Variants in DST observed in about 807,000 individuals in gnomAD.
DST encodes the protein dystonin, also known as bullous pemphigoid antigen.
In DST, 253 loss-of-function variants were observed where a neutral mutation model predicts 875.2. The ratio of observed to expected loss-of-function variants is 0.29; its 90% CI spans 0.26 to 0.32. The LOEUF (loss-of-function observed/expected upper bound fraction) is 0.32, where lower values mean the gene tolerates loss of function less well. Ranked by LOEUF, DST falls within the 10% of genes least tolerant of loss-of-function variation. The probability of loss-of-function intolerance (pLI) is 1.00; values close to 1 mark genes in which losing one functional copy is unlikely to be tolerated. For synonymous variants in DST, 3,124 were observed against 3,197.1 expected, an observed-to-expected ratio of 0.98 and a Z score of 0.77; for missense variants, 8,287 against 9,111.6, an observed-to-expected ratio of 0.91 and a Z score of 3.68.
intron 82 of DST, 27 bp downstream of exon 82, chr6:56,497,352 T>C (rs747834102): frequency 1.9e-6 from 3 of 1,606,108 alleles, no homozygotes; most frequent in South Asian, 2.2e-5. Flanking sequence ...ATTCTGAGGC[T>C]AAAGCTGTAG....
In DST at chr6:56,504,044, T is replaced by C; in HGVS notation, c.19519A>G (p.Ile6507Val). The change falls in exon 78 of 104, where the codon ATT becomes GTT. Residue 6507 changes from isoleucine to valine, a missense_variant. Ile to Val is a conservative substitution (Grantham distance 29). Coordinates refer to ENST00000680361, the MANE Select transcript of DST (RefSeq NM_001374736.1). ...AGGKLASMSP[I>V]GTDLETVKQQ... Reference sequence around the variant, plus strand: ...TTGACAGTTTCGAGATCTGTTCCAATTGGAGACATTGAAGCTAATTTACCA... The same window carrying C: ...TTGACAGTTTCGAGATCTGTTCCAACTGGAGACATTGAAGCTAATTTACCA... The C allele has an allele frequency of 1.2e-6, 2 of 1,609,530 alleles. No homozygotes were observed. The highest frequency in any genetic ancestry group is 1.7e-6 in the Non-Finnish European group (2 of 1,178,056).
intron 4 of DST, among the ~76,000 whole-genome samples, chr6:56,783,244 T>C (rs2099697963): frequency 6.6e-6 from 1 of 152,228 alleles, no homozygotes; most frequent in Non-Finnish European, 1.5e-5. Flanking sequence ...TTACGTCTGC[T>C]TGGTGCAGAG....
intron 9 of DST, among the ~76,000 whole-genome samples, chr6:56,687,927 T>C (rs1296735861): frequency 2.0e-5 from 3 of 152,172 alleles, no homozygotes; most frequent in South Asian, 2.1e-4. Flanking sequence ...AAAAAGCTGA[T>C]AAAGTCCAAG....
intron 72 of DST, among the ~76,000 whole-genome samples, chr6:56,513,232 CTTTT>C (rs5876513): frequency 7.0e-6 from 1 of 142,108 alleles, no homozygotes; most frequent in Admixed American, 7.0e-5. Context: ...TGAGAGGAGC[CTTTT>C]TTTTTTTTTT....
intron 3 of DST, among the ~76,000 whole-genome samples, chr6:56,861,196 T>C: frequency 1.3e-5 from 2 of 152,330 alleles, no homozygotes; most frequent in Middle Eastern, 6.8e-3. Context: ...AATTACTTTT[T>C]CATTAAAAAC....
chr6:56,632,145 A>G (rs115947332), intron 28 of DST, 105 bp from the exon 29 acceptor site: 4 of 772,086 alleles, frequency 5.2e-6, no homozygotes, highest in Non-Finnish European at 6.2e-6. Flanking sequence ...ACAGCTAGTC[A>G]AGCAAATGAT....
Position 56,508,774 on chromosome 6 carries a change from T to A in DST, c.19013-19A>T, listed in dbSNP as rs550748825. The A allele has an allele frequency of 1.0e-4, 161 of 1,586,300 alleles. 3 individuals carry two copies. In the South Asian group the frequency reaches 1.6e-3, roughly 16 times the overall value. On this transcript the variant is annotated intron_variant, in intron 74 of 103. Transcript: ENST00000680361. ...TGAACAGCTATGAAGCAAAACAATA[T>A]CCACAAGGCGACTGGTTAGCCCCAC... is the stretch of plus-strand genomic sequence containing the variant.
At chr6:56,497,637 T>G in intron 81 of DST, 130 bp from the exon 82 acceptor site, 2 of 1,215,322 alleles carry the variant, frequency 1.6e-6, no homozygotes, top group South Asian at 3.1e-5. Flanking sequence ...ACCATTAGAT[T>G]TGCCTTTCTT....
chr6:56,482,313 C>A, intron 89 of DST, 135 bp from the exon 90 acceptor site: 1 of 998,090 alleles, frequency 1.0e-6, no homozygotes, highest in South Asian at 2.9e-5. Flanking sequence ...TTCATTACTC[C>A]CATTAAGAAG....
At chr6:56,742,384 C>A in intron 4 of DST, 2 of 1,285,648 alleles carry the variant, frequency 1.6e-6, no homozygotes, top group South Asian at 1.2e-5. Context: ...TCTCTCCGTA[C>A]AAACTCTGAT....
intron 63 of DST, among the ~76,000 whole-genome samples, chr6:56,534,008 T>C (rs1357073488): frequency 1.3e-5 from 2 of 152,196 alleles, no homozygotes; most frequent in Non-Finnish European, 2.9e-5. Context: ...GTATACATTG[T>C]GGAATGATTA....
At chr6:56,934,560 T>TTTTATTTATATATATATATATA in intron 2 of DST, among the ~76,000 whole-genome samples, 1 of 106,486 alleles carries the variant, frequency 9.4e-6, no homozygotes, top group Middle Eastern at 4.8e-3. Flanking sequence ...ATATATTATA[T>TTTTATTTATATATATATATATA]TATATATATA....
intron 13 of DST, 72 bp downstream of exon 13, chr6:56,648,498 C>T: frequency 2.2e-6 from 3 of 1,381,768 alleles, no homozygotes; most frequent in South Asian, 1.6e-5. Flanking sequence ...TCTAAAATTA[C>T]AGAATTATTA....
At chr6:56,917,533 T>G (rs1428988939) in intron 2 of DST, among the ~76,000 whole-genome samples, 3 of 152,248 alleles carry the variant, frequency 2.0e-5, no homozygotes, top group African/African-American at 4.8e-5. Flanking sequence ...CCTAAGATGA[T>G]GTTACTGAAT....
intron 74 of DST, 142 bp downstream of exon 74, chr6:56,509,500 A>G: frequency 1.5e-6 from 1 of 646,190 alleles, no homozygotes; most frequent in Middle Eastern, 2.7e-4. Flanking sequence ...GGATTTGCAT[A>G]CACAGCCCTT....
chr6:56,504,975 T>C (rs1184780607), intron 77 of DST, among the ~76,000 whole-genome samples: 1 of 152,172 alleles, frequency 6.6e-6, no homozygotes, highest in Non-Finnish European at 1.5e-5. Context: ...TCCTCCCACC[T>C]CAGCCTCCCA....
chr6:56,869,056 G>A (rs1446908671), intron 3 of DST, among the ~76,000 whole-genome samples: 1 of 152,188 alleles, frequency 6.6e-6, no homozygotes, highest in African/African-American at 2.4e-5. Flanking sequence ...GATGGCTACT[G>A]TACTTTGATA....
intron 4 of DST, among the ~76,000 whole-genome samples, chr6:56,844,330 C>G (rs1014277026): frequency 6.6e-6 from 1 of 152,200 alleles, no homozygotes; most frequent in East Asian, 1.9e-4. Context: ...TTCTGCCCCC[C>G]AGAGCCCACA....
In DST at chr6:56,954,701, A is replaced by G; in HGVS notation, c.-114T>C. ...ACGGGTGAGCGCGGCTCAGCGCGTCATGCCTGGCGCTCGCGGCCCCGCGCC... is the reference window on the plus strand; with the variant it reads ...ACGGGTGAGCGCGGCTCAGCGCGTCGTGCCTGGCGCTCGCGGCCCCGCGCC... On this transcript the variant is annotated 5_prime_UTR_variant, in exon 1 of 104. An upstream start codon of the reference 5' UTR is lost. Coordinates refer to ENST00000680361, the MANE Select transcript of DST (RefSeq NM_001374736.1). The G allele has an allele frequency of 1.6e-6, 1 of 610,034 alleles. No homozygotes were observed. Among genetic ancestry groups the G allele is most frequent in the Non-Finnish European group, 2.1e-6 (1 of 476,046 alleles). 37.8% of individuals were successfully genotyped at this position (610,034 alleles called of 1,614,324 possible).
Sources: allele counts gnomAD v4.1 joint callset (sites outside exome capture counted in the v4.1 genomes callset), GRCh38; gene constraint gnomAD v4.1.1; transcripts MANE v1.5; gene names NCBI Gene and HGNC (gene_info 2026-07-23, HGNC 2026-07-21).